The following ADAMTSL3 variants were observed in gnomAD, a reference collection of about 807,000 sequenced individuals.
ADAMTSL3 encodes the protein ADAMTS like 3.
A neutral mutation model predicts 201.7 loss-of-function variants in ADAMTSL3; 128 were observed. That is an observed-to-expected ratio of 0.63 (90% confidence interval 0.55 to 0.73). The LOEUF is 0.73. Ranked by LOEUF, ADAMTSL3 falls within the 30% of genes least tolerant of loss-of-function variation. ADAMTSL3 has a pLI of 0.00. For missense variants in ADAMTSL3, 1,990 were observed against 2,119.6 expected (o/e 0.94, Z 1.20); for synonymous variants, 738 against 748.4 (o/e 0.99, Z 0.23).
chr15:83,718,583 A>G (rs982633856), intron 3 of ADAMTSL3, among the ~76,000 whole-genome samples: 3 of 151,820 alleles, frequency 2.0e-5, no homozygotes, highest in African/African-American at 7.3e-5. Flanking sequence ...GCATGGCTAT[A>G]TAATCCCAGC....
At chr15:83,683,812 C>G (rs979543) in intron 2 of ADAMTSL3, among the ~76,000 whole-genome samples, 1 of 152,094 alleles carries the variant, frequency 6.6e-6, no homozygotes, top group African/African-American at 2.4e-5. Context: ...ATACTTTCAA[C>G]ACCTGAGCTT....
chr15:83,908,984 G>C (rs1158631693), intron 15 of ADAMTSL3, among the ~76,000 whole-genome samples: 1 of 152,188 alleles, frequency 6.6e-6, no homozygotes, highest in East Asian at 1.9e-4. Flanking sequence ...TTTCCTTGCT[G>C]ACTGTGGGCT....
chr15:83,719,433 G>C (rs2062066053), intron 3 of ADAMTSL3, among the ~76,000 whole-genome samples: 1 of 152,004 alleles, frequency 6.6e-6, no homozygotes, highest in African/African-American at 2.4e-5. Flanking sequence ...CAAATAAACA[G>C]ACAAAAAACC....
intron 28 of ADAMTSL3, among the ~76,000 whole-genome samples, chr15:84,032,073 G>A (rs1013247963): frequency 6.6e-6 from 1 of 152,136 alleles, no homozygotes; most frequent in Non-Finnish European, 1.5e-5. Context: ...GAGCCTAGAA[G>A]GCACACTAAT....
At chr15:84,036,701 G>C in intron 28 of ADAMTSL3, 72 bp from the exon 29 acceptor site, 2 of 1,215,884 alleles carry the variant, frequency 1.6e-6, no homozygotes, top group Non-Finnish European at 2.3e-6. Flanking sequence ...AAAAAGGCTT[G>C]GTCCCAGCAA....
intron 3 of ADAMTSL3, among the ~76,000 whole-genome samples, chr15:83,755,718 T>TA (rs2062708365): frequency 6.6e-6 from 1 of 152,224 alleles, no homozygotes; most frequent in Non-Finnish European, 1.5e-5. Flanking sequence ...ACTGCTGTTA[T>TA]AACAGAGTGG....
intron 7 of ADAMTSL3, among the ~76,000 whole-genome samples, chr15:83,843,676 C>T (rs1464674337): frequency 6.6e-6 from 1 of 152,172 alleles, no homozygotes; most frequent in Non-Finnish European, 1.5e-5. Context: ...AGAATTCATT[C>T]CAATCTTCCC....
intron 4 of ADAMTSL3, among the ~76,000 whole-genome samples, chr15:83,778,610 G>A (rs550515696): frequency 2.3e-4 from 35 of 152,286 alleles, no homozygotes; most frequent in African/African-American, 7.5e-4. Context: ...AAGAGCTCCT[G>A]AAGGAAGCAC....
At chr15:83,871,945 T>C (rs1310248853) in intron 9 of ADAMTSL3, among the ~76,000 whole-genome samples, 1 of 152,206 alleles carries the variant, frequency 6.6e-6, no homozygotes, top group African/African-American at 2.4e-5. Flanking sequence ...GTTCTACATA[T>C]TAATTTGTCA....
intron 3 of ADAMTSL3, among the ~76,000 whole-genome samples, chr15:83,705,090 T>A (rs1184371404): frequency 3.3e-5 from 5 of 152,160 alleles, no homozygotes; most frequent in African/African-American, 1.2e-4. Flanking sequence ...TTCCCTTCCA[T>A]CCTCAATTCA....
chr15:83,865,147 G>T (rs7175339), intron 8 of ADAMTSL3, among the ~76,000 whole-genome samples: 1 of 151,882 alleles, frequency 6.6e-6, no homozygotes, highest in Non-Finnish European at 1.5e-5. Flanking sequence ...TTCCATGCTC[G>T]TGGGTAGGAA....
At chr15:83,727,370 T>G (rs1036088608) in intron 3 of ADAMTSL3, among the ~76,000 whole-genome samples, 3 of 151,928 alleles carry the variant, frequency 2.0e-5, no homozygotes, top group Admixed American at 1.3e-4. Context: ...TTGTATTTTT[T>G]GTGTTAATTT....
chr15:83,672,045 G>T (rs922612923), intron 2 of ADAMTSL3, among the ~76,000 whole-genome samples: 1 of 152,060 alleles, frequency 6.6e-6, no homozygotes, highest in Admixed American at 6.5e-5. Context: ...AGAGTGTCTT[G>T]CGACCTATAC....
At chr15:83,963,289 G>A (rs891441547) in intron 19 of ADAMTSL3, among the ~76,000 whole-genome samples, 29 of 152,318 alleles carry the variant, frequency 1.9e-4, no homozygotes, top group African/African-American at 4.1e-4. Flanking sequence ...ACAGCAGTGC[G>A]AAGTTGACCT....
chr15:84,016,366 C>T lies in ADAMTSL3; in HGVS notation c.4157-17C>T. ...TAATGTCTAACTGGTAAAAGTGCTA[C>T]TTTTTTTTTTCCTCAGAACGAAGAT... On this transcript the variant is annotated splice_polypyrimidine_tract_variant and intron_variant, in intron 24 of 29. Coordinates refer to ENST00000286744, the MANE Select transcript of ADAMTSL3 (RefSeq NM_207517.3). The T allele has an allele frequency of 7.0e-7, 1 of 1,433,310 alleles. No individual in the cohort carries two copies. The highest frequency in any genetic ancestry group is 1.4e-5 in the African/African-American group (1 of 71,356). The allele number at this position is 1,433,310 out of a possible 1,614,324, so 88.8% of individuals were successfully genotyped here.
intron 10 of ADAMTSL3, among the ~76,000 whole-genome samples, chr15:83,888,334 C>T (rs1284945628): frequency 3.9e-5 from 6 of 152,160 alleles, no homozygotes; most frequent in Non-Finnish European, 8.8e-5. Flanking sequence ...TTAATTGTCT[C>T]TCCTCAAATT....
At chr15:83,755,395 G>C (rs1293459757) in intron 3 of ADAMTSL3, among the ~76,000 whole-genome samples, 5 of 151,970 alleles carry the variant, frequency 3.3e-5, no homozygotes, top group African/African-American at 1.2e-4. Flanking sequence ...TGAACCTACT[G>C]TACCCATTAA....
intron 16 of ADAMTSL3, among the ~76,000 whole-genome samples, chr15:83,921,996 G>C (rs2066154906): frequency 6.6e-6 from 1 of 152,024 alleles, no homozygotes; most frequent in Non-Finnish European, 1.5e-5. Context: ...TGCTACAAAA[G>C]GAATTTATTC....
At chr15:83,929,373 A>G (rs2066308207) in intron 17 of ADAMTSL3, among the ~76,000 whole-genome samples, 2 of 151,920 alleles carry the variant, frequency 1.3e-5, no homozygotes, top group African/African-American at 4.8e-5. Flanking sequence ...CTGGCAGGTA[A>G]CCTCTGGCAT....
Sources: gnomAD v4.1 joint callset for allele counts (sites outside exome capture counted in the v4.1 genomes callset) on GRCh38, gnomAD v4.1.1 for gene constraint, MANE v1.5 for transcripts, NCBI Gene and HGNC (gene_info 2026-07-23, HGNC 2026-07-21) for gene names.